DIP2C: variants seen among roughly 807,000 people sequenced by gnomAD.
DIP2C encodes the protein DIP2 acetate--CoA ligase C (putative).
In DIP2C, 33 loss-of-function variants were observed where a neutral mutation model predicts 192.4. The observed-to-expected ratio is 0.17, with a 90% CI of 0.13 to 0.23. The LOEUF is 0.23. Ranked by LOEUF, DIP2C falls within the 10% of genes least tolerant of loss-of-function variation. The pLI is 1.00. For synonymous variants in DIP2C, 979 were observed against 864.1 expected (o/e 1.13, Z -2.33); for missense variants, 1,537 against 2,110.1 (o/e 0.73, Z 5.32).
At chr10:540,881 G>T (rs1398271557) in intron 1 of DIP2C, among the ~76,000 whole-genome samples, 1 of 152,236 alleles carries the variant, frequency 6.6e-6, no homozygotes, top group Non-Finnish European at 1.5e-5. Flanking sequence ...TTATAGTAAA[G>T]TAGCTGGAAA....
At chr10:484,895 G>A (rs1361077249) in intron 2 of DIP2C, 1 of 1,611,874 alleles carries the variant, frequency 6.2e-7, no homozygotes, top group African/African-American at 1.3e-5. Flanking sequence ...GTTCTCCTCG[G>A]CGCTCCTTCA....
At position 275,995 on chromosome 10, in the gene DIP2C, C is replaced by G. The variant is rs1328521153; in HGVS notation, c.*1330G>C. On this transcript the variant is annotated 3_prime_UTR_variant, in exon 37 of 37. Coordinates refer to ENST00000280886, the MANE Select transcript of DIP2C (RefSeq NM_014974.3). ...CCGATGTGAGTTCCGGACACTTTGT[C>G]CACTCCACATTGGCCATCAGAGGGG... is the stretch of plus-strand genomic sequence containing the variant. The G allele has an allele frequency of 6.6e-6, 1 of 152,212 alleles. No individual in the cohort carries two copies. The highest frequency in any genetic ancestry group is 1.9e-4 in the East Asian group (1 of 5,196). The allele number at this position is 152,212 out of a possible 1,614,324, so 9.4% of individuals were successfully genotyped here.
chr10:399,666 G>A (rs1293925206), intron 9 of DIP2C, among the ~76,000 whole-genome samples: 1 of 152,184 alleles, frequency 6.6e-6, no homozygotes, highest in Non-Finnish European at 1.5e-5. Flanking sequence ...GAGCCTTAGT[G>A]TTCTTCTCTG....
intron 1 of DIP2C, among the ~76,000 whole-genome samples, chr10:592,361 A>C (rs1479904303): frequency 6.6e-6 from 1 of 152,178 alleles, no homozygotes; most frequent in Non-Finnish European, 1.5e-5. Context: ...TCTACAAAAA[A>C]TCCTGAAAAA....
At chr10:546,277 TAAAAAA>T (rs370870788) in intron 1 of DIP2C, among the ~76,000 whole-genome samples, 2 of 109,414 alleles carry the variant, frequency 1.8e-5, no homozygotes, top group Admixed American at 1.6e-4. Context: ...GCAAGACTCT[TAAAAAA>T]AAAAAAAAAA....
chr10:610,986 G>T (rs1027941301), intron 1 of DIP2C, among the ~76,000 whole-genome samples: 1 of 149,934 alleles, frequency 6.7e-6, no homozygotes, highest in African/African-American at 2.5e-5. Context: ...ACTCACGGGG[G>T]TGCTTTCTAA....
chr10:404,004 A>G (rs11252185), intron 9 of DIP2C, among the ~76,000 whole-genome samples: 17,457 of 57,734 alleles, frequency 0.3, 1,882 homozygotes, highest in East Asian at 0.44. Flanking sequence ...CATGAATCCT[A>G]TGATTTTACA....
At chr10:519,782 C>G (rs886274210) in intron 1 of DIP2C, among the ~76,000 whole-genome samples, 1 of 152,230 alleles carries the variant, frequency 6.6e-6, no homozygotes, top group Admixed American at 6.5e-5. Flanking sequence ...TACAAACGGA[C>G]GACGCAGTCT....
At chr10:301,837 T>A (rs1956066348) in intron 32 of DIP2C, among the ~76,000 whole-genome samples, 1 of 152,098 alleles carries the variant, frequency 6.6e-6, no homozygotes, top group Non-Finnish European at 1.5e-5. Context: ...GCAAGAGAAG[T>A]GGGAGCAGTG....
rs529685146 is a variant in DIP2C at position 470,681 on chromosome 10, G to A, written c.268+1758C>T. Among the ~76,000 whole-genome samples, 56 of 151,626 alleles carry A rather than the reference G, an allele frequency of 3.7e-4. No homozygotes were observed. The South Asian group carries it at 0.011, about 31-fold the overall frequency. ...CAACACCCCTGCAGCATCGTGGAGA[G>A]AGAGAGAATGTAGGAAACACGCAGT... On this transcript the variant is annotated intron_variant, in intron 3 of 36. Transcript: ENST00000280886.
chr10:336,242 G>A (rs1199673329), intron 29 of DIP2C, among the ~76,000 whole-genome samples: 3 of 152,154 alleles, frequency 2.0e-5, no homozygotes, highest in Non-Finnish European at 2.9e-5. Context: ...GAGGTCCCAG[G>A]ATAGCGATGC....
rs117047041 is a variant in DIP2C at position 535,780 on chromosome 10, G to C, written c.86-49250C>G. Among the ~76,000 whole-genome samples the C allele has an allele frequency of 2.8e-3, 433 of 152,250 alleles. 14 individuals carry two copies. The East Asian group carries it at 0.068, about 24-fold the overall frequency. On this transcript the variant is annotated intron_variant, in intron 1 of 36. Coordinates refer to ENST00000280886, the MANE Select transcript of DIP2C (RefSeq NM_014974.3). ...ATATGTAAAGGGAGCCTATAGGTTT[G>C]GTTCAAAGAATTATTGGTGTTAACT...
chr10:428,102 C>A (rs1966711833), intron 4 of DIP2C, among the ~76,000 whole-genome samples: 1 of 152,148 alleles, frequency 6.6e-6, no homozygotes, highest in Non-Finnish European at 1.5e-5. Context: ...ATGCATGGTA[C>A]AGCACGGACT....
chr10:647,620 T>C (rs1056641714), intron 1 of DIP2C, among the ~76,000 whole-genome samples: 20 of 141,776 alleles, frequency 1.4e-4, no homozygotes, highest in East Asian at 6.5e-4. Context: ...CACGTCGACA[T>C]TGGATGGTGG....
intron 10 of DIP2C, among the ~76,000 whole-genome samples, chr10:392,155 G>T (rs1963514001): frequency 6.6e-6 from 1 of 152,174 alleles, no homozygotes; most frequent in Admixed American, 6.5e-5. Context: ...ATGTGAATCT[G>T]AACATCACAT....
At chr10:548,214 C>CCCG (rs1554897816) in intron 1 of DIP2C, among the ~76,000 whole-genome samples, 2 of 122,970 alleles carry the variant, frequency 1.6e-5, no homozygotes, top group African/African-American at 5.8e-5. Context: ...CCCCACCCCC[C>CCCG]CCCCCACAGG....
intron 24 of DIP2C, among the ~76,000 whole-genome samples, chr10:352,450 C>T (rs567625221): frequency 3.3e-5 from 5 of 152,350 alleles, no homozygotes; most frequent in Admixed American, 2.0e-4. Flanking sequence ...GCACGCTCCA[C>T]GAGGACGGTG....
intron 6 of DIP2C, among the ~76,000 whole-genome samples, chr10:417,705 G>GGA (rs1564684893): frequency 6.4e-5 from 4 of 62,066 alleles, no homozygotes; most frequent in Non-Finnish European, 3.4e-5. Flanking sequence ...TGTGCCTGTC[G>GGA]GCTCAAATAG....
chr10:511,812 T>C (rs1846031310), intron 1 of DIP2C, among the ~76,000 whole-genome samples: 1 of 152,246 alleles, frequency 6.6e-6, no homozygotes, highest in Non-Finnish European at 1.5e-5. Context: ...AATACATATT[T>C]AAGGACTTCA....
Sources: gnomAD v4.1 joint callset for allele counts (sites outside exome capture counted in the v4.1 genomes callset) on GRCh38, gnomAD v4.1.1 for gene constraint, MANE v1.5 for transcripts, NCBI Gene and HGNC (gene_info 2026-07-23, HGNC 2026-07-21) for gene names.